NUBPL: variants seen among roughly 807,000 people sequenced by gnomAD.
NUBPL encodes iron-sulfur cluster transfer protein NUBPL.
In NUBPL, 31 loss-of-function variants were observed where a neutral mutation model predicts 45.7. The ratio of observed to expected loss-of-function variants is 0.68; its 90% CI spans 0.51 to 0.92. The LOEUF (loss-of-function observed/expected upper bound fraction) is 0.92. Among genes scored for constraint, NUBPL ranks in the 40% least tolerant of loss-of-function variants. The pLI, the probability that NUBPL is intolerant of heterozygous loss-of-function variation, is 0.00. For missense variants in NUBPL, 401 were observed against 398.7 expected (o/e 1.01, Z -0.05); for synonymous variants, 144 against 140.9 (o/e 1.02, Z -0.15).
chr14:31,745,611 A>C (rs2038381692), intron 6 of NUBPL, among the ~76,000 whole-genome samples: 1 of 151,672 alleles, frequency 6.6e-6, no homozygotes, highest in African/African-American at 2.4e-5. Flanking sequence ...TGTAAATGCT[A>C]CTGATTTTTG....
At chr14:31,786,789 TGAA>T (rs910561322) in intron 6 of NUBPL, among the ~76,000 whole-genome samples, 12 of 152,168 alleles carry the variant, frequency 7.9e-5, no homozygotes, top group African/African-American at 2.7e-4. Flanking sequence ...AATTAGGAAG[TGAA>T]GAAGAACAGG....
At chr14:31,811,194 A>G (rs955042916) in intron 7 of NUBPL, among the ~76,000 whole-genome samples, 5 of 152,146 alleles carry the variant, frequency 3.3e-5, no homozygotes, top group Non-Finnish European at 5.9e-5. Flanking sequence ...GTTCTCCTGG[A>G]TAATATCCTG....
intron 6 of NUBPL, among the ~76,000 whole-genome samples, chr14:31,729,152 C>T (rs889786099): frequency 2.0e-5 from 3 of 151,824 alleles, no homozygotes; most frequent in East Asian, 1.9e-4. Context: ...GTGTGGCAGG[C>T]GCCTGTAATT....
At chr14:31,809,260 G>A (rs1252090142) in intron 7 of NUBPL, among the ~76,000 whole-genome samples, 2 of 152,112 alleles carry the variant, frequency 1.3e-5, no homozygotes, top group Non-Finnish European at 2.9e-5. Context: ...ACATTTTTCG[G>A]TTGGTAGGCT....
At chr14:31,640,959 CTTTTTG>C (rs76480943) in intron 4 of NUBPL, among the ~76,000 whole-genome samples, 55,377 of 139,952 alleles carry the variant, frequency 0.4, 12,411 homozygotes, top group East Asian at 0.59. Flanking sequence ...TTTTGTTTTT[CTTTTTG>C]TTTTTGAGAC....
chr14:31,593,911 G>C (rs959597500), intron 3 of NUBPL, among the ~76,000 whole-genome samples: 1 of 152,150 alleles, frequency 6.6e-6, no homozygotes, highest in Non-Finnish European at 1.5e-5. Context: ...GATTAGAAAA[G>C]GGGAGAGTAG....
chr14:31,584,833 C>CT (rs1031148553), intron 3 of NUBPL, among the ~76,000 whole-genome samples: 4 of 152,190 alleles, frequency 2.6e-5, no homozygotes, highest in African/African-American at 9.7e-5. Context: ...TGAGGGCCTG[C>CT]TTCCTAGTTT....
intron 6 of NUBPL, among the ~76,000 whole-genome samples, chr14:31,685,853 C>T (rs2036940695): frequency 6.6e-6 from 1 of 152,114 alleles, no homozygotes; most frequent in South Asian, 2.1e-4. Context: ...ACATGGAGAA[C>T]TGATTTAAAA....
At chr14:31,617,257 C>T (rs567593207) in intron 4 of NUBPL, among the ~76,000 whole-genome samples, 2 of 152,216 alleles carry the variant, frequency 1.3e-5, no homozygotes, top group East Asian at 1.9e-4. Flanking sequence ...TAATTGAATA[C>T]CCTTTATGTT....
chr14:31,638,755 TAG>T (rs2035587320), intron 4 of NUBPL, among the ~76,000 whole-genome samples: 2 of 152,178 alleles, frequency 1.3e-5, no homozygotes, highest in South Asian at 4.2e-4. Flanking sequence ...TGTTTTCACA[TAG>T]TCCCATATCT....
intron 6 of NUBPL, among the ~76,000 whole-genome samples, chr14:31,682,135 A>C (rs2036849063): frequency 6.6e-6 from 1 of 152,132 alleles, no homozygotes; most frequent in African/African-American, 2.4e-5. Context: ...TAACATCTCC[A>C]GGTATGATTG....
intron 6 of NUBPL, among the ~76,000 whole-genome samples, chr14:31,769,770 A>C (rs1049832299): frequency 6.6e-6 from 1 of 151,986 alleles, no homozygotes; most frequent in Non-Finnish European, 1.5e-5. Context: ...CAAACAGATC[A>C]TAGTCATGGT....
intron 4 of NUBPL, among the ~76,000 whole-genome samples, chr14:31,646,954 G>C (rs2035871873): frequency 6.6e-6 from 1 of 151,454 alleles, no homozygotes; most frequent in Admixed American, 6.6e-5. Flanking sequence ...TGAGCTTACT[G>C]ATTCTTTCCT....
At position 31,734,384 on chromosome 14, in the gene NUBPL, T is replaced by G. The variant is rs181557539; in HGVS notation, c.514-53396T>G. 3.0e-3 allele frequency among the ~76,000 whole-genome samples: 455 copies of G among 152,308 alleles called. 4 individuals are homozygous for G. The highest frequency in any genetic ancestry group is 4.0e-3 in the Non-Finnish European group (273 of 68,020). On this transcript the variant is annotated intron_variant, in intron 6 of 10. Coordinates refer to ENST00000281081, the MANE Select transcript of NUBPL (RefSeq NM_025152.3). ...CAGGACATTTGATAGCTGTTTCACC[T>G]TAGTATCTCCAATCTAACATAGAGA...
At chr14:31,777,152 T>G (rs7152350) in intron 6 of NUBPL, among the ~76,000 whole-genome samples, 151,949 of 152,266 alleles carry the variant, frequency 1, 75,818 homozygotes, top group Middle Eastern at 1. Flanking sequence ...GAAGAGTATG[T>G]GTATAACTTG....
chr14:31,754,357 C>A (rs1209929155), intron 6 of NUBPL, among the ~76,000 whole-genome samples: 2 of 151,980 alleles, frequency 1.3e-5, no homozygotes, highest in Non-Finnish European at 2.9e-5. Context: ...ATATTTAGAC[C>A]AGAATCTGAT....
chr14:31,799,263 C>G (rs4981912), intron 7 of NUBPL, among the ~76,000 whole-genome samples: 51,200 of 151,838 alleles, frequency 0.34, 8,938 homozygotes, highest in South Asian at 0.41. Context: ...TTATAGTGTA[C>G]ATGTAGTTTC....
chr14:31,691,586 G>T (rs1026665167), intron 6 of NUBPL, among the ~76,000 whole-genome samples: 1 of 152,192 alleles, frequency 6.6e-6, no homozygotes, highest in African/African-American at 2.4e-5. Flanking sequence ...TAATAGTCAG[G>T]TTGGGAGAAG....
rs147543449 is a variant in NUBPL at position 31,603,871 on chromosome 14, A to G, written c.382+4492A>G. Among the ~76,000 whole-genome samples, 2 of 152,308 alleles carry G rather than the reference A, an allele frequency of 1.3e-5. 1 individual carries two copies. Among genetic ancestry groups the G allele is most frequent in the African/African-American group, 4.8e-5 (2 of 41,574 alleles). On this transcript the variant is annotated intron_variant, in intron 4 of 10. Transcript: ENST00000281081. The stretch of plus-strand genomic sequence containing the variant: ...ATATATGACATGAGCCAAGGTGTCA[A>G]GCTTTCACAAAGAAGGAGTAATGAA...
Sources: allele counts gnomAD v4.1 joint callset (sites outside exome capture counted in the v4.1 genomes callset), GRCh38; gene constraint gnomAD v4.1.1; transcripts MANE v1.5; gene names NCBI Gene and HGNC (gene_info 2026-07-23, HGNC 2026-07-21).